The following NDRG2 variants were observed in gnomAD, a reference collection of about 807,000 sequenced individuals.
The protein encoded by NDRG2 is NDRG family member 2, also known as protein NDRG2.
NDRG2 carries 34 observed loss-of-function variants against 58.2 expected under a neutral mutation model. The observed-to-expected ratio is 0.58, with a 90% CI of 0.44 to 0.78. The LOEUF is 0.78. Ranked by LOEUF, NDRG2 falls within the 30% of genes least tolerant of loss-of-function variation. The pLI, the probability that NDRG2 is intolerant of heterozygous loss-of-function variation, is 0.00. For missense variants in NDRG2, 434 were observed against 471.2 expected (o/e 0.92, Z 0.73); for synonymous variants, 187 against 175.9 (o/e 1.06, Z -0.50).
In NDRG2 at chr14:21,022,804, C is replaced by T; in HGVS notation, c.117+60G>A. 4 of 1,561,906 alleles carry T rather than the reference C, an allele frequency of 2.6e-6. 1 individual carries two copies. The highest frequency in any genetic ancestry group is 2.3e-5 in the South Asian group (2 of 87,358). On this transcript the variant is annotated intron_variant, in intron 3 of 15. Transcript: ENST00000556147. ...AAGAGAGGGCCAAGCAGAGGCCATC[C>T]TTCTACTGGGGAAGAGGACAGCCCC...
At chr14:21,056,714 C>T (rs1279044865) in intron 1 of NDRG2, among the ~76,000 whole-genome samples, 3 of 152,216 alleles carry the variant, frequency 2.0e-5, no homozygotes, top group Non-Finnish European at 2.9e-5. Flanking sequence ...TTTAGCTTGG[C>T]GCCAGCCCAA....
At chr14:21,033,831 T>C in intron 1 of NDRG2, 12 of 1,610,286 alleles carry the variant, frequency 7.5e-6, no homozygotes, top group Non-Finnish European at 1.0e-5. Flanking sequence ...AATTCCCGAA[T>C]AGAGACCAGC....
rs1397546647 is a variant in NDRG2 at position 21,017,286 on chromosome 14, C to T, written c.*310G>A. On this transcript the variant is annotated 3_prime_UTR_variant, in exon 16 of 16. Transcript: ENST00000556147. Reference sequence around the variant, plus strand: ...CCAGGACAACTACAACAACCTCTTACCCCTCAGCTATAGACACCTAGATCA... The same window carrying T: ...CCAGGACAACTACAACAACCTCTTATCCCTCAGCTATAGACACCTAGATCA... The T allele has an allele frequency of 4.7e-6, 2 of 429,056 alleles. No homozygotes were observed. The highest frequency in any genetic ancestry group is 8.8e-6 in the Non-Finnish European group (2 of 227,800). 26.6% of individuals were successfully genotyped at this position (429,056 alleles called of 1,614,324 possible).
chr14:21,022,583 G>A, intron 3 of NDRG2, 86 bp from the exon 4 acceptor site: 1 of 972,306 alleles, frequency 1.0e-6, no homozygotes, highest in South Asian at 1.4e-5. Context: ...AGCTGGGAGT[G>A]GGTGGGCAAG....
chr14:21,018,684 C>A, intron 12 of NDRG2, 79 bp downstream of exon 12: 1 of 1,604,298 alleles, frequency 6.2e-7, no homozygotes, highest in East Asian at 2.2e-5. Context: ...CAGGACATCC[C>A]CTTGGCAAGA....
At chr14:21,029,665 C>A (rs1489678623), upstream of NDRG2, among the ~76,000 whole-genome samples, 3 of 152,076 alleles carry the variant, frequency 2.0e-5, no homozygotes, top group Non-Finnish European at 4.4e-5. Context: ...GGAGATGGGG[C>A]ATTTTGGGGG....
chr14:21,046,289 C>G (rs1315935789), intron 1 of NDRG2, among the ~76,000 whole-genome samples: 1 of 152,140 alleles, frequency 6.6e-6, no homozygotes, highest in Admixed American at 6.5e-5. Flanking sequence ...TTTGGGAGGC[C>G]TAACCAGAGC....
At chr14:21,065,419 T>C (rs1886210809) in intron 1 of NDRG2, among the ~76,000 whole-genome samples, 1 of 152,198 alleles carries the variant, frequency 6.6e-6, no homozygotes, top group Admixed American at 6.5e-5. Flanking sequence ...ATGATCTCTT[T>C]TGGGAACTGG....
In NDRG2 at chr14:21,017,447, T is replaced by C. The variant is rs892753622; in HGVS notation, c.*149A>G. ...GGGAATCACGGGTTAAAGGTCAAGG[T>C]TAGGGTAGCAATCAAAGATCAAGGT... On this transcript the variant is annotated 3_prime_UTR_variant, in exon 16 of 16. Transcript: ENST00000556147. The C allele has an allele frequency of 1.6e-5, 14 of 873,914 alleles. No homozygotes were observed. Among genetic ancestry groups the C allele is most frequent in the Non-Finnish European group, 2.4e-5 (14 of 575,270 alleles). 54.1% of individuals were successfully genotyped at this position (873,914 alleles called of 1,614,324 possible).
chr14:21,063,485 T>A (rs1288962551), intron 1 of NDRG2, among the ~76,000 whole-genome samples: 1 of 152,158 alleles, frequency 6.6e-6, no homozygotes, highest in East Asian at 1.9e-4. Context: ...TGGGGGGTCT[T>A]ATGCGTATGT....
At chr14:21,025,379 C>T (rs1883368256), upstream of NDRG2, 1 of 985,662 alleles carries the variant, frequency 1.0e-6, no homozygotes, top group East Asian at 1.1e-4. The surrounding 1 kb of genome is among the most constrained non-coding windows in gnomAD (Gnocchi z 5.1). Context: ...CCCTCAGCAC[C>T]GCCCCATCCA....
At chr14:21,056,779 C>T (rs532569446) in intron 1 of NDRG2, among the ~76,000 whole-genome samples, 13 of 152,312 alleles carry the variant, frequency 8.5e-5, no homozygotes, top group South Asian at 2.1e-4. Flanking sequence ...ACTCACTCGG[C>T]GGCCTTGGAA....
In NDRG2 at chr14:21,062,488, C is replaced by T. The variant is rs868456229; in HGVS notation, c.24+8340G>A. Among the ~76,000 whole-genome samples, 21 of 152,218 alleles carry T rather than the reference C, an allele frequency of 1.4e-4. 1 individual carries two copies. The Middle Eastern group carries it at 0.014, about 99-fold the overall frequency. On this transcript the variant is annotated intron_variant, in intron 1 of 14. Transcript: ENST00000403829. ...TGACTTGGGAATGGGAGTATTATAT[C>T]CTAGAAAAACTGAGAAAGGTGAGCA... is the stretch of plus-strand genomic sequence containing the variant.
intron 1 of NDRG2, among the ~76,000 whole-genome samples, chr14:21,055,393 G>A (rs1412471127): frequency 6.6e-6 from 1 of 152,124 alleles, no homozygotes; most frequent in African/African-American, 2.4e-5. Context: ...CTGTATTGGA[G>A]CCAATATATT....
chr14:21,025,469 AC>A (rs1254098994), upstream of NDRG2: 6 of 985,212 alleles, frequency 6.1e-6, no homozygotes, highest in Non-Finnish European at 7.2e-6. This position sits in a 1 kb window ranked among gnomAD's most constrained non-coding sequence, Gnocchi z 5.1. Context: ...GGGGAGACGA[AC>A]CCGGGATACT....
chr14:21,041,192 G>C (rs981568732), intron 1 of NDRG2, among the ~76,000 whole-genome samples: 1 of 151,968 alleles, frequency 6.6e-6, no homozygotes, highest in Non-Finnish European at 1.5e-5. Flanking sequence ...ACAGGGTTTC[G>C]CCACATTGCC....
intron 12 of NDRG2, 98 bp from the exon 13 acceptor site, chr14:21,018,602 A>C (rs1428965341): frequency 1.9e-6 from 3 of 1,556,408 alleles, no homozygotes; most frequent in Non-Finnish European, 2.6e-6. Flanking sequence ...CTTTTCTATC[A>C]GCTCCCTACC....
chr14:21,053,693 A>G (rs1317282633), intron 1 of NDRG2, among the ~76,000 whole-genome samples: 2 of 152,128 alleles, frequency 1.3e-5, no homozygotes, highest in Non-Finnish European at 2.9e-5. Context: ...AGTCCCAGCT[A>G]CTCAGGAGGC....
rs148662727 is a variant in NDRG2 at position 21,046,254 on chromosome 14, T to C, written c.25-22933A>G. ...ATACATTGGGCTCAGCCAGGCACAG[T>C]GGCTCTCACTTGTAATCCCAGCACT... is the stretch of plus-strand genomic sequence containing the variant. On this transcript the variant is annotated intron_variant, in intron 1 of 14. Transcript: ENST00000403829. Among the ~76,000 whole-genome samples the C allele has an allele frequency of 4.1e-3, 628 of 152,322 alleles. 3 individuals carry two copies. The highest frequency in any genetic ancestry group is 0.014 in the African/African-American group (596 of 41,570).
Sources: allele counts gnomAD v4.1 joint callset (sites outside exome capture counted in the v4.1 genomes callset), GRCh38; gene constraint gnomAD v4.1.1; non-coding constraint Gnocchi (gnomAD v3.1); transcripts MANE v1.5; gene names NCBI Gene and HGNC (gene_info 2026-07-23, HGNC 2026-07-21).